Variants in MMP16 observed in about 807,000 individuals in gnomAD.
MMP16 encodes the protein matrix metallopeptidase 16, also known as matrix metalloproteinase-16.
A neutral mutation model predicts 67.8 loss-of-function variants in MMP16; 12 were observed. That is an observed-to-expected ratio of 0.18 (90% CI 0.11 to 0.29). The LOEUF (loss-of-function observed/expected upper bound fraction) is 0.29. Ranked by LOEUF, MMP16 falls within the 10% of genes least tolerant of loss-of-function variation. The probability of loss-of-function intolerance (pLI) is 1.00; values close to 1 mark genes in which losing one functional copy is unlikely to be tolerated. For missense variants in MMP16, 475 were observed against 765.7 expected (o/e 0.62, Z 4.48); for synonymous variants, 249 against 255.9 (o/e 0.97, Z 0.26).
intron 1 of MMP16, among the ~76,000 whole-genome samples, chr8:88,266,211 G>A (rs964696785): frequency 1.3e-5 from 2 of 152,064 alleles, no homozygotes; most frequent in African/African-American, 4.8e-5. Flanking sequence ...TACAACCCAC[G>A]ATGGAAACCA....
chr8:88,055,981 G>T, intron 8 of MMP16, 147 bp downstream of exon 8: 1 of 501,338 alleles, frequency 2.0e-6, no homozygotes, highest in Non-Finnish European at 3.3e-6. Context: ...AATATTATTT[G>T]AAATGTAAAA....
chr8:88,269,709 G>A (rs921736873), intron 1 of MMP16, among the ~76,000 whole-genome samples: 1 of 152,096 alleles, frequency 6.6e-6, no homozygotes, highest in Admixed American at 6.5e-5. Context: ...ACACCTCCTA[G>A]ATCCTGATCC....
Position 88,138,773 on chromosome 8 carries a change from T to C in MMP16, c.710-19912A>G, listed in dbSNP as rs563014646. On this transcript the variant is annotated intron_variant, in intron 4 of 9. Coordinates refer to ENST00000286614, the MANE Select transcript of MMP16 (RefSeq NM_005941.5). ...CACCAGGATCTTCACATCTCATGTCTTGGATATCCTGGTGGTTCTCTTATA... is the reference window on the plus strand; with the variant it reads ...CACCAGGATCTTCACATCTCATGTCCTGGATATCCTGGTGGTTCTCTTATA... Among the ~76,000 whole-genome samples, 16 of 152,234 alleles carry C rather than the reference T, an allele frequency of 1.1e-4. 1 individual carries two copies. The highest frequency in any genetic ancestry group is 3.6e-4 in the African/African-American group (15 of 41,570).
At chr8:88,177,967 T>G (rs1808920142) in intron 3 of MMP16, among the ~76,000 whole-genome samples, 1 of 151,506 alleles carries the variant, frequency 6.6e-6, no homozygotes, top group Non-Finnish European at 1.5e-5. Context: ...GGTATGTATT[T>G]AAAGAGGAAT....
intron 6 of MMP16, among the ~76,000 whole-genome samples, chr8:88,110,465 C>A (rs1809314498): frequency 6.6e-6 from 1 of 151,450 alleles, no homozygotes; most frequent in Non-Finnish European, 1.5e-5. Context: ...TTATTTAATT[C>A]TCTGCTTTCA....
chr8:88,186,424 A>C, intron 3 of MMP16, 52 bp downstream of exon 3: 1 of 1,607,666 alleles, frequency 6.2e-7, no homozygotes, highest in South Asian at 1.1e-5. Flanking sequence ...GTGTCAAAAC[A>C]AATAGTAATG....
intron 3 of MMP16, among the ~76,000 whole-genome samples, chr8:88,185,975 G>T (rs1428666679): frequency 2.0e-5 from 3 of 152,124 alleles, no homozygotes; most frequent in African/African-American, 7.2e-5. Context: ...ATAAATAAAT[G>T]TGAAAATCCA....
intron 1 of MMP16, among the ~76,000 whole-genome samples, chr8:88,216,556 T>C (rs1809597831): frequency 6.6e-6 from 1 of 152,082 alleles, no homozygotes; most frequent in Non-Finnish European, 1.5e-5. Context: ...TGCCTGTCGA[T>C]GCCATGCTAG....
rs398008661 is a variant in MMP16 at position 88,265,223 on chromosome 8, C to CTTTTTTTTTTTTTTTTTTTTTTT, written c.132+61851_132+61852insAAAAAAAAAAAAAAAAAAAAAAA. On this transcript the variant is annotated intron_variant, in intron 1 of 9. Coordinates refer to ENST00000286614, the MANE Select transcript of MMP16 (RefSeq NM_005941.5). ...AACTAAGGGTAGAAATGACCATTTC[C>CTTTTTTTTTTTTTTTTTTTTTTT]TTTTTTTTTTTTTTTTTTTTCAGAT... Among the ~76,000 whole-genome samples the CTTTTTTTTTTTTTTTTTTTTTTT allele has an allele frequency of 2.6e-4, 26 of 100,778 alleles. 2 individuals are homozygous for CTTTTTTTTTTTTTTTTTTTTTTT. Among genetic ancestry groups the CTTTTTTTTTTTTTTTTTTTTTTT allele is most frequent in the Non-Finnish European group, 2.8e-4 (15 of 54,138 alleles). 66.1% of individuals were successfully genotyped at this position (100,778 alleles called of 152,430 possible).
chr8:88,124,777 C>T (rs555911148), intron 4 of MMP16, among the ~76,000 whole-genome samples: 3 of 152,076 alleles, frequency 2.0e-5, no homozygotes, highest in East Asian at 2.0e-4. Context: ...AATGTACTTT[C>T]TCATAGTTCT....
intron 6 of MMP16, among the ~76,000 whole-genome samples, chr8:88,091,651 G>T (rs1401018971): frequency 6.6e-6 from 1 of 151,744 alleles, no homozygotes; most frequent in Non-Finnish European, 1.5e-5. Context: ...CCTCTTATTA[G>T]TAGTCCAAAG....
At chr8:88,089,370 C>T (rs1400132776) in intron 6 of MMP16, among the ~76,000 whole-genome samples, 2 of 151,928 alleles carry the variant, frequency 1.3e-5, no homozygotes, top group African/African-American at 4.8e-5. Flanking sequence ...GACATATCTT[C>T]TTGGTAAAAG....
At position 88,032,145 on chromosome 8, in the gene MMP16, C is replaced by G. The variant is rs1375502455; in HGVS notation, c.*9316G>C. The G allele has an allele frequency of 1.3e-5, 2 of 152,144 alleles. No individual in the cohort carries two copies. The highest frequency in any genetic ancestry group is 1.5e-5 in the Non-Finnish European group (1 of 68,022). The allele number at this position is 152,144 out of a possible 1,614,324, so 9.4% of individuals were successfully genotyped here. ...TTAAGACACTTACAGCAGACAAAAACTGCCCCACCCCTAATCCCCTCCTTG... is the reference window on the plus strand; with the variant it reads ...TTAAGACACTTACAGCAGACAAAAAGTGCCCCACCCCTAATCCCCTCCTTG... On this transcript the variant is annotated 3_prime_UTR_variant, in exon 10 of 10. Coordinates refer to ENST00000286614, the MANE Select transcript of MMP16 (RefSeq NM_005941.5).
At chr8:88,282,695 GTAGC>G (rs1810760312) in intron 1 of MMP16, among the ~76,000 whole-genome samples, 1 of 152,084 alleles carries the variant, frequency 6.6e-6, no homozygotes, top group African/African-American at 2.4e-5. Flanking sequence ...GATTAAGGAG[GTAGC>G]TATATTATTA....
intron 1 of MMP16, among the ~76,000 whole-genome samples, chr8:88,271,570 T>C (rs764427824): frequency 6.6e-6 from 1 of 152,178 alleles, no homozygotes; most frequent in Non-Finnish European, 1.5e-5. Context: ...CTTGGCTCAC[T>C]GCAACCTCCG....
At chr8:88,063,538 C>G (rs1808427556) in intron 7 of MMP16, among the ~76,000 whole-genome samples, 2 of 148,694 alleles carry the variant, frequency 1.3e-5, no homozygotes, top group African/African-American at 5.0e-5. Flanking sequence ...AGATTTCTAC[C>G]TGCTTTTTGA....
chr8:88,043,386 C>T (rs574565598), intron 9 of MMP16, among the ~76,000 whole-genome samples: 6 of 152,240 alleles, frequency 3.9e-5, no homozygotes, highest in South Asian at 4.1e-4. Context: ...TGGGTTCAAG[C>T]GATTCTCCTG....
intron 1 of MMP16, among the ~76,000 whole-genome samples, chr8:88,229,432 T>C (rs1563568376): frequency 6.6e-6 from 1 of 152,080 alleles, no homozygotes; most frequent in Non-Finnish European, 1.5e-5. Flanking sequence ...TCAACATGGC[T>C]ACAGAGCATG....
At chr8:88,208,102 C>T (rs531881163) in intron 1 of MMP16, among the ~76,000 whole-genome samples, 7 of 152,256 alleles carry the variant, frequency 4.6e-5, no homozygotes, top group South Asian at 4.2e-4. Context: ...AACATAGTTG[C>T]CTGTATATAG....
Sources: gnomAD v4.1 joint callset for allele counts (sites outside exome capture counted in the v4.1 genomes callset) on GRCh38, gnomAD v4.1.1 for gene constraint, MANE v1.5 for transcripts, NCBI Gene and HGNC (gene_info 2026-07-23, HGNC 2026-07-21) for gene names.